KLHL13: variants seen among roughly 807,000 people sequenced by gnomAD.
KLHL13 encodes kelch-like protein 13.
A neutral mutation model predicts 37.1 loss-of-function variants in KLHL13; 10 were observed. The ratio of observed to expected loss-of-function variants is 0.27; its 90% CI spans 0.17 to 0.46. The LOEUF (loss-of-function observed/expected upper bound fraction) is 0.46. KLHL13 is among the 20% of genes least tolerant of loss of function. KLHL13 has a pLI of 1.00. For synonymous variants in KLHL13, 163 were observed against 181.2 expected (o/e 0.90, Z 0.81); for missense variants, 360 against 509.3 (o/e 0.71, Z 2.82).
intron 1 of KLHL13, among the ~76,000 whole-genome samples, chrX:118,024,550 A>G (rs759623865): frequency 8.9e-6 from 1 of 111,814 alleles, no homozygotes; most frequent in African/African-American, 3.2e-5. Flanking sequence ...TCAAAATAAA[A>G]TAATAACCCA....
intron 1 of KLHL13, among the ~76,000 whole-genome samples, chrX:117,971,549 T>C (rs16994949): frequency 0.05 from 5,557 of 110,756 alleles, 345 homozygotes; most frequent in African/African-American, 0.17. Flanking sequence ...AAAAATATCC[T>C]GGAGCATAAA....
chrX:118,116,671 G>C (rs1036658737), exon 1 of KLHL13: 1 of 111,886 alleles, frequency 8.9e-6, no homozygotes, highest in Non-Finnish European at 1.9e-5. Context: ...ACCCTGTCCT[G>C]GCGCAGGCGG....
At chrX:117,972,661 G>GC in intron 1 of KLHL13, 1 of 945,713 alleles carries the variant, frequency 1.1e-6, no homozygotes, top group Non-Finnish European at 1.5e-6. Flanking sequence ...GGGCTCCCCC[G>GC]CCCCCATTTT....
upstream of KLHL13, among the ~76,000 whole-genome samples, chrX:117,976,484 A>G (rs1049680216): frequency 1.8e-5 from 2 of 112,230 alleles, no homozygotes; most frequent in Admixed American, 1.9e-4. Context: ...AGTCATAACT[A>G]TGGAGTGTAA....
At chrX:118,095,014 T>C (rs1307683787) in intron 1 of KLHL13, among the ~76,000 whole-genome samples, 1 of 111,301 alleles carries the variant, frequency 9.0e-6, no homozygotes, top group Admixed American at 9.6e-5. Flanking sequence ...AACATCATAA[T>C]GACAGGATCA....
intron 1 of KLHL13, among the ~76,000 whole-genome samples, chrX:118,068,648 C>T (rs1246406197): frequency 1.8e-5 from 2 of 111,342 alleles, no homozygotes; most frequent in Admixed American, 9.5e-5. Context: ...CTAGAGACCA[C>T]AAAGCTGTGC....
chrX:117,949,390 G>A (rs1933475714), intron 1 of KLHL13, among the ~76,000 whole-genome samples: 1 of 107,426 alleles, frequency 9.3e-6, no homozygotes, highest in African/African-American at 3.5e-5. Flanking sequence ...TGGTAGGTGG[G>A]CCAAAGCAAG....
At chrX:118,110,305 G>A (rs1390478030) in intron 1 of KLHL13, among the ~76,000 whole-genome samples, 2 of 109,882 alleles carry the variant, frequency 1.8e-5, no homozygotes, top group South Asian at 4.0e-4. Flanking sequence ...AGGGCGCTGG[G>A]GCTAAGGAAG....
At chrX:117,902,007 T>G in intron 5 of KLHL13, 61 bp from the exon 7 acceptor site, 1 of 608,915 alleles carries the variant, frequency 1.6e-6, no homozygotes, top group Non-Finnish European at 2.7e-6. Flanking sequence ...ATTAATTATT[T>G]TTCTCTTAAG....
At chrX:118,091,353 C>T (rs2055132249) in intron 1 of KLHL13, among the ~76,000 whole-genome samples, 1 of 111,099 alleles carries the variant, frequency 9.0e-6, no homozygotes, top group Non-Finnish European at 1.9e-5. Flanking sequence ...TTTAAAGTAG[C>T]CATCATAAAA....
At chrX:118,032,770 G>A (rs2054373821) in intron 1 of KLHL13, among the ~76,000 whole-genome samples, 1 of 112,170 alleles carries the variant, frequency 8.9e-6, no homozygotes, top group African/African-American at 3.2e-5. Flanking sequence ...AGAGAAGAAG[G>A]CTTCAGACGG....
At chrX:117,919,084 C>T (rs1248605944) in intron 4 of KLHL13, among the ~76,000 whole-genome samples, 1 of 110,492 alleles carries the variant, frequency 9.1e-6, no homozygotes, top group Non-Finnish European at 1.9e-5. Context: ...AGTGCAATGG[C>T]GTGATCTCAG....
chrX:117,942,176 AT>A (rs1262488210), intron 2 of KLHL13, among the ~76,000 whole-genome samples: 2 of 111,690 alleles, frequency 1.8e-5, no homozygotes, highest in Non-Finnish European at 3.8e-5. Context: ...TTCTAATTTG[AT>A]TGCACTGTGG....
chrX:117,983,310 A>AT (rs2053685134), intron 1 of KLHL13, among the ~76,000 whole-genome samples: 1 of 111,491 alleles, frequency 9.0e-6, no homozygotes, highest in African/African-American at 3.3e-5. Flanking sequence ...GATGCGTGGC[A>AT]TTTTTAACAG....
chrX:118,020,370 G>A (rs181153732), intron 1 of KLHL13, among the ~76,000 whole-genome samples: 8 of 111,486 alleles, frequency 7.2e-5, no homozygotes, highest in East Asian at 2.8e-4. Flanking sequence ...CTGAAGTTGC[G>A]TATCAGCTTA....
chrX:117,902,325 T>G (rs1930150134), intron 5 of KLHL13, among the ~76,000 whole-genome samples: 1 of 111,858 alleles, frequency 8.9e-6, no homozygotes, highest in Admixed American at 9.5e-5. Flanking sequence ...TCCTCAATTC[T>G]GGGTCCCCAT....
intron 1 of KLHL13, among the ~76,000 whole-genome samples, chrX:118,000,282 G>T (rs1465011226): frequency 8.9e-6 from 1 of 111,880 alleles, no homozygotes; most frequent in Non-Finnish European, 1.9e-5. Flanking sequence ...TGGGAATTGT[G>T]GATGGATTCA....
At chrX:118,032,033 C>T (rs924051897) in intron 1 of KLHL13, among the ~76,000 whole-genome samples, 9 of 111,432 alleles carry the variant, frequency 8.1e-5, no homozygotes, top group African/African-American at 1.3e-4. Flanking sequence ...GCTTTTCCGA[C>T]GGGCTTAAAA....
At chrX:118,080,316 T>C (rs1406360090) in intron 1 of KLHL13, among the ~76,000 whole-genome samples, 6 of 111,098 alleles carry the variant, frequency 5.4e-5, no homozygotes, top group African/African-American at 9.8e-5. Flanking sequence ...CAAAAGAAAC[T>C]GTCAACAAAC....
Sources: allele counts gnomAD v4.1 joint callset (sites outside exome capture counted in the v4.1 genomes callset), GRCh38; gene constraint gnomAD v4.1.1; transcripts MANE v1.5; gene names NCBI Gene and HGNC (gene_info 2026-07-23, HGNC 2026-07-21).